RIMS2: variants seen among roughly 807,000 people sequenced by gnomAD.
The protein encoded by RIMS2 is regulating synaptic membrane exocytosis 2, also known as regulating synaptic membrane exocytosis protein 2.
A neutral mutation model predicts 174.4 loss-of-function variants in RIMS2; 59 were observed. The ratio of observed to expected loss-of-function variants is 0.34; its 90% CI spans 0.27 to 0.42. The LOEUF (loss-of-function observed/expected upper bound fraction) is 0.42, where lower values mean the gene tolerates loss of function less well. Ranked by LOEUF, RIMS2 falls within the 10% of genes least tolerant of loss-of-function variation. The probability of loss-of-function intolerance (pLI) is 1.00; values close to 1 mark genes in which losing one functional copy is unlikely to be tolerated. For synonymous variants in RIMS2, 606 were observed against 572.5 expected (o/e 1.06, Z -0.84); for missense variants, 1,620 against 1,666.3 (o/e 0.97, Z 0.48).
intron 19 of RIMS2, among the ~76,000 whole-genome samples, chr8:104,050,412 G>A (rs2096766515): frequency 6.6e-6 from 1 of 152,080 alleles, no homozygotes; most frequent in African/African-American, 2.4e-5. Context: ...GTGGGATTGG[G>A]GTGGGGAAGG....
At chr8:103,984,911 A>T (rs1596390493) in intron 16 of RIMS2, among the ~76,000 whole-genome samples, 1 of 152,214 alleles carries the variant, frequency 6.6e-6, no homozygotes, top group Non-Finnish European at 1.5e-5. Context: ...GGAGGTCGTT[A>T]TATCAAGTGA....
At chr8:103,655,889 T>C (rs1174708743) in intron 1 of RIMS2, among the ~76,000 whole-genome samples, 1 of 152,000 alleles carries the variant, frequency 6.6e-6, no homozygotes, top group Non-Finnish European at 1.5e-5. Context: ...AGGGAAGATA[T>C]TGAAGAGATT....
chr8:103,791,497 A>G (rs1387839952), intron 3 of RIMS2, among the ~76,000 whole-genome samples: 3 of 152,222 alleles, frequency 2.0e-5, no homozygotes, highest in African/African-American at 7.2e-5. Context: ...CGATGCTAGG[A>G]AGAAACTGCA....
chr8:103,815,586 T>A (rs1167081075), intron 3 of RIMS2, among the ~76,000 whole-genome samples: 2 of 152,210 alleles, frequency 1.3e-5, no homozygotes, highest in African/African-American at 4.8e-5. Context: ...AATATGGAGC[T>A]GATCTTGCTT....
At chr8:103,575,257 C>T (rs2093129673) in intron 1 of RIMS2, among the ~76,000 whole-genome samples, 1 of 152,104 alleles carries the variant, frequency 6.6e-6, no homozygotes, top group African/African-American at 2.4e-5. Context: ...ACTGTGTGCC[C>T]ACTAGAGTGG....
intron 17 of RIMS2, among the ~76,000 whole-genome samples, chr8:104,011,932 G>A (rs142320134): frequency 1.1e-3 from 170 of 150,706 alleles, no homozygotes; most frequent in African/African-American, 4.0e-3. Flanking sequence ...GCAAACTACT[G>A]AACACACTTA....
At chr8:103,989,531 A>C (rs1055890171) in intron 17 of RIMS2, 110 bp downstream of exon 19, 5 of 587,402 alleles carry the variant, frequency 8.5e-6, no homozygotes, top group African/African-American at 1.9e-5. Context: ...TTTCTGAAAC[A>C]ATGTTTTTCT....
chr8:104,091,497 A>G lies in RIMS2; in HGVS notation c.3334+76882A>G, dbSNP rs571156166. 3.3e-5 allele frequency among the ~76,000 whole-genome samples: 5 copies of G among 151,356 alleles called. No individual in the cohort carries two copies. The East Asian group carries it at 7.7e-4, about 23-fold the overall frequency. ...TTAAAACTTTGATTTTTGTATGAAT[A>G]AATGCCCAAAAAACATATAAGTAAA... On this transcript the variant is annotated intron_variant, in intron 19 of 23. Coordinates refer to ENST00000504942, the Ensembl canonical transcript of RIMS2.
intron 3 of RIMS2, among the ~76,000 whole-genome samples, chr8:103,853,663 T>G (rs2099011503): frequency 6.6e-6 from 1 of 152,170 alleles, no homozygotes; most frequent in Admixed American, 6.6e-5. Flanking sequence ...TGATTGTTTT[T>G]GTCAGCCTTG....
chr8:103,626,860 AG>A (rs34614392), intron 1 of RIMS2, among the ~76,000 whole-genome samples: 2 of 152,204 alleles, frequency 1.3e-5, no homozygotes, highest in Non-Finnish European at 2.9e-5. Flanking sequence ...GTAGGTCACA[AG>A]GATCACATGC....
chr8:103,638,656 T>C (rs1241196443), intron 1 of RIMS2, among the ~76,000 whole-genome samples: 1 of 152,094 alleles, frequency 6.6e-6, no homozygotes, highest in African/African-American at 2.4e-5. Flanking sequence ...ATTTCTCATT[T>C]TCTGGCATTA....
chr8:103,835,291 C>G (rs1430671410), intron 3 of RIMS2, among the ~76,000 whole-genome samples: 1 of 151,342 alleles, frequency 6.6e-6, no homozygotes, highest in South Asian at 2.1e-4. Flanking sequence ...TTAGTAGAGA[C>G]AGGGTTTCAC....
chr8:103,632,443 C>T (rs941252399), intron 1 of RIMS2, among the ~76,000 whole-genome samples: 11 of 152,050 alleles, frequency 7.2e-5, no homozygotes, highest in East Asian at 1.9e-4. Flanking sequence ...TTTTTTGAGG[C>T]GGAGTCTTGC....
chr8:103,591,882 C>G, intron 1 of RIMS2, among the ~76,000 whole-genome samples: 1 of 150,904 alleles, frequency 6.6e-6, no homozygotes, highest in East Asian at 1.9e-4. Context: ...ATTCTGTGTT[C>G]TTTTGTACTT....
chr8:103,875,867 G>T lies in RIMS2; in HGVS notation c.699-9431G>T, dbSNP rs77825437. On this transcript the variant is annotated intron_variant, in intron 3 of 23. Coordinates refer to ENST00000504942, the Ensembl canonical transcript of RIMS2. ...TTGCATTTTTCTTGTGATTAGAGAT[G>T]TTAAGAATTTTTTCATGTTTGTTGG... is the stretch of plus-strand genomic sequence containing the variant. Among the ~76,000 whole-genome samples, 297 of 152,126 alleles carry T rather than the reference G, an allele frequency of 2.0e-3. 2 individuals carry two copies. Among genetic ancestry groups the T allele is most frequent in the African/African-American group, 6.9e-3 (288 of 41,564 alleles).
chr8:104,006,291 T>C (rs2095573263), intron 17 of RIMS2, among the ~76,000 whole-genome samples: 1 of 152,196 alleles, frequency 6.6e-6, no homozygotes. Context: ...AGCTCACGCC[T>C]GTAATCCCAG....
At chr8:104,085,224 A>G (rs1206003132) in intron 19 of RIMS2, among the ~76,000 whole-genome samples, 1 of 152,146 alleles carries the variant, frequency 6.6e-6, no homozygotes. Context: ...AGACCCAAGC[A>G]CTCTGTCTTC....
At chr8:104,079,629 A>G (rs1224545799) in intron 19 of RIMS2, among the ~76,000 whole-genome samples, 1 of 119,084 alleles carries the variant, frequency 8.4e-6, no homozygotes, top group Non-Finnish European at 1.8e-5. Context: ...ATATATATAT[A>G]TATATATATA....
chr8:103,519,578 C>G (rs1291999187), intron 1 of RIMS2, among the ~76,000 whole-genome samples: 1 of 152,040 alleles, frequency 6.6e-6, no homozygotes, highest in African/African-American at 2.4e-5. Flanking sequence ...TTATAGCCTT[C>G]CAGTTTGAAG....
Sources: gnomAD v4.1 joint callset for allele counts (sites outside exome capture counted in the v4.1 genomes callset) on GRCh38, gnomAD v4.1.1 for gene constraint, MANE v1.5 for transcripts, NCBI Gene and HGNC (gene_info 2026-07-23, HGNC 2026-07-21) for gene names.